SPHKAP: variants seen among roughly 807,000 people sequenced by gnomAD.
SPHKAP encodes A-kinase anchor protein SPHKAP.
SPHKAP carries 67 observed loss-of-function variants against 137.5 expected under a neutral mutation model. That is an observed-to-expected ratio of 0.49 (90% CI 0.40 to 0.60). The LOEUF (loss-of-function observed/expected upper bound fraction) is 0.60, where lower values mean the gene tolerates loss of function less well. Ranked by LOEUF, SPHKAP falls within the 20% of genes least tolerant of loss-of-function variation. SPHKAP has a pLI of 0.00. For missense variants in SPHKAP, 2,097 were observed against 2,069.3 expected (o/e 1.01, Z -0.26); for synonymous variants, 813 against 785.3 (o/e 1.04, Z -0.59).
chr2:228,000,291 C>G lies in SPHKAP; in HGVS notation c.4449-4597G>C, dbSNP rs1031938762. ...GGTCAGGAGTTCAAGACCAGCCTAG[C>G]CAACATGGTGAAACACTGTCTCTAC... On this transcript the variant is annotated intron_variant, in intron 7 of 11. Coordinates refer to ENST00000392056, the MANE Select transcript of SPHKAP (RefSeq NM_001142644.2). 2.6e-5 allele frequency among the ~76,000 whole-genome samples: 4 copies of G among 151,796 alleles called. No individual in the cohort carries two copies. The East Asian group carries it at 7.7e-4, about 29-fold the overall frequency.
rs369782574 is a variant in SPHKAP at position 228,017,330 on chromosome 2, C to G, written c.3524G>C (p.Ser1175Thr). 2.0e-5 allele frequency: 32 copies of G among 1,613,686 alleles called. No individual in the cohort carries two copies. The highest frequency in any genetic ancestry group is 2.5e-5 in the Non-Finnish European group (29 of 1,179,880). ...QQACRKSDHL[S>T]VRPSCPSKQS... Reference sequence around the variant, plus strand: ...CTTAGAGGGACAGCTAGGCCTCACACTGAGGTGGTCACTTTTCCGGCACGC... The same window carrying G: ...CTTAGAGGGACAGCTAGGCCTCACAGTGAGGTGGTCACTTTTCCGGCACGC... Residue 1175 changes from serine to threonine, a missense_variant, in exon 7 of 12, where the codon AGT becomes ACT. Transcript: ENST00000392056.
intron 3 of SPHKAP, among the ~76,000 whole-genome samples, chr2:228,029,403 T>C (rs1337674544): frequency 6.6e-6 from 1 of 152,158 alleles, no homozygotes; most frequent in East Asian, 1.9e-4. Context: ...AAAACTGAAA[T>C]AGAAGTGTAA....
rs1167959211 is a variant in SPHKAP, at chr2:228,017,029, C to G, written c.3825G>C (p.Gln1275His). The G allele has an allele frequency of 6.2e-7, 1 of 1,614,184 alleles. No individual in the cohort carries two copies. The highest frequency in any genetic ancestry group is 8.5e-7 in the Non-Finnish European group (1 of 1,180,036). Residue 1275 changes from glutamine to histidine, a missense_variant, in exon 7 of 12, where the codon CAG (glutamine) becomes CAC (histidine). By Grantham distance (24) the Gln-to-His change is conservative (BLOSUM62 0). Coordinates refer to ENST00000392056, the MANE Select transcript of SPHKAP (RefSeq NM_001142644.2). Reference sequence around the variant, plus strand: ...CGGATGAGGACGCGCTACTGACCGGCTGCACGCTTAGGAAATCTTGTGGGC... The same window carrying G: ...CGGATGAGGACGCGCTACTGACCGGGTGCACGCTTAGGAAATCTTGTGGGC... The part of the protein sequence containing the change: ...QNCPQDFLSV[Q>H]PVSSASSSGL...
chr2:228,113,709 G>A (rs748748360), intron 2 of SPHKAP, among the ~76,000 whole-genome samples: 2 of 145,812 alleles, frequency 1.4e-5, no homozygotes, highest in African/African-American at 2.5e-5. Context: ...TAACTGTGTA[G>A]TTAAGTCCAC....
chr2:228,034,048 A>C (rs1290669303), intron 3 of SPHKAP, among the ~76,000 whole-genome samples: 1 of 152,226 alleles, frequency 6.6e-6, no homozygotes, highest in East Asian at 1.9e-4. Context: ...ACTGAAGGAA[A>C]TAGAGACACA....
intron 1 of SPHKAP, among the ~76,000 whole-genome samples, chr2:228,161,732 T>G (rs1314324143): frequency 6.6e-6 from 1 of 152,082 alleles, no homozygotes; most frequent in South Asian, 2.1e-4. Flanking sequence ...TAAAATAAAA[T>G]AAAATACATG....
At chr2:228,125,801 G>A (rs1166558357) in intron 2 of SPHKAP, among the ~76,000 whole-genome samples, 1 of 152,128 alleles carries the variant, frequency 6.6e-6, no homozygotes, top group Non-Finnish European at 1.5e-5. Context: ...GTTGGGTTGG[G>A]CATGGTGGTT....
At chr2:228,015,356 A>G (rs1694540529) in intron 7 of SPHKAP, among the ~76,000 whole-genome samples, 1 of 151,584 alleles carries the variant, frequency 6.6e-6, no homozygotes, top group Non-Finnish European at 1.5e-5. Flanking sequence ...AGTCTTTGCT[A>G]TTGTGAATAG....
chr2:228,080,938 G>T (rs564091349), intron 3 of SPHKAP, among the ~76,000 whole-genome samples: 3 of 152,056 alleles, frequency 2.0e-5, no homozygotes, highest in South Asian at 2.1e-4. Flanking sequence ...CAGTATGGAG[G>T]TTCCTCAAAA....
intron 7 of SPHKAP, among the ~76,000 whole-genome samples, chr2:228,006,616 C>T (rs1466505173): frequency 1.3e-5 from 2 of 152,096 alleles, no homozygotes; most frequent in Admixed American, 6.6e-5. Context: ...GAGAGGCGCT[C>T]TGATTTTTAG....
chr2:228,094,890 T>G (rs974688379), intron 3 of SPHKAP, among the ~76,000 whole-genome samples: 12 of 152,250 alleles, frequency 7.9e-5, no homozygotes, highest in Admixed American at 3.3e-4. Context: ...GTTGCTGGGG[T>G]CTTTTTGTTT....
At chr2:228,133,982 A>G (rs1039844557) in intron 1 of SPHKAP, among the ~76,000 whole-genome samples, 2 of 152,144 alleles carry the variant, frequency 1.3e-5, no homozygotes, top group Non-Finnish European at 2.9e-5. Flanking sequence ...CCTAATGCAC[A>G]TGAAAGGATA....
At chr2:228,118,240 G>GT (rs71299665) in intron 2 of SPHKAP, among the ~76,000 whole-genome samples, 18,883 of 122,942 alleles carry the variant, frequency 0.15, 1,762 homozygotes, top group Non-Finnish European at 0.21. Context: ...GAGATACACA[G>GT]TTTTTTTTTT....
intron 3 of SPHKAP, among the ~76,000 whole-genome samples, chr2:228,040,590 C>A (rs1238597219): frequency 1.3e-5 from 2 of 152,030 alleles, no homozygotes; most frequent in South Asian, 2.1e-4. Flanking sequence ...TTATTGTCAG[C>A]ATTAAAAATA....
intron 3 of SPHKAP, among the ~76,000 whole-genome samples, chr2:228,064,830 A>T (rs764098025): frequency 1.3e-5 from 2 of 152,240 alleles, no homozygotes; most frequent in Non-Finnish European, 2.9e-5. Flanking sequence ...ACACTGTTGG[A>T]AGGGGCAAAT....
At chr2:228,003,732 A>T (rs1255083354) in intron 7 of SPHKAP, among the ~76,000 whole-genome samples, 1 of 152,090 alleles carries the variant, frequency 6.6e-6, no homozygotes, top group Admixed American at 6.5e-5. Context: ...TTTTAGATAC[A>T]TCCCATCAAT....
Position 228,172,347 on chromosome 2 carries a change from G to A in SPHKAP, c.32+9220C>T, listed in dbSNP as rs534232767. On this transcript the variant is annotated intron_variant, in intron 1 of 11. Coordinates refer to ENST00000392056, the MANE Select transcript of SPHKAP (RefSeq NM_001142644.2). ...CCATGTCTCTAGGAGAAGCCTACAG[G>A]CCATGGTATTTATTGTTATTATCTG... 3.9e-5 allele frequency among the ~76,000 whole-genome samples: 6 copies of A among 152,202 alleles called. No homozygotes were observed. The South Asian group carries it at 1.2e-3, about 32-fold the overall frequency.
At position 227,981,607 on chromosome 2, in the gene SPHKAP, T is replaced by G. The variant is rs1441677902; in HGVS notation, c.*110A>C. 7.2e-7 allele frequency: 1 copy of G among 1,389,550 alleles called. No homozygotes were observed. Among genetic ancestry groups the G allele is most frequent in the African/African-American group, 1.5e-5 (1 of 68,026 alleles). The allele number at this position is 1,389,550 out of a possible 1,614,324, so 86.1% of individuals were successfully genotyped here. A position where few individuals can be genotyped will look rare whatever the true frequency, so the allele number is the denominator to read the frequency against. ...CTGAGTAGCAGATTTTTTTTTATAG[T>G]TCTGCTAATGTGATGTGATGTTTTG... On this transcript the variant is annotated 3_prime_UTR_variant, in exon 12 of 12. Coordinates refer to ENST00000392056, the MANE Select transcript of SPHKAP (RefSeq NM_001142644.2).
chr2:228,122,842 G>T (rs1171425312), intron 2 of SPHKAP, among the ~76,000 whole-genome samples: 1 of 152,156 alleles, frequency 6.6e-6, no homozygotes, highest in East Asian at 1.9e-4. Context: ...GAATGTGGTG[G>T]CTGGCTCTGT....
Sources: gnomAD v4.1 joint callset for allele counts (sites outside exome capture counted in the v4.1 genomes callset) on GRCh38, gnomAD v4.1.1 for gene constraint, MANE v1.5 for transcripts, NCBI Gene and HGNC (gene_info 2026-07-23, HGNC 2026-07-21) for gene names.